The following CEP85L variants were observed in gnomAD, a reference collection of about 807,000 sequenced individuals.
The protein encoded by CEP85L is centrosomal protein of 85 kDa-like.
In CEP85L, 60 loss-of-function variants were observed where a neutral mutation model predicts 100.3. That is an observed-to-expected ratio of 0.60 (90% CI 0.49 to 0.74). The LOEUF (loss-of-function observed/expected upper bound fraction) is 0.74, where lower values mean the gene tolerates loss of function less well. Among genes scored for constraint, CEP85L ranks in the 30% least tolerant of loss-of-function variants. The pLI is 0.00. For synonymous variants in CEP85L, 319 were observed against 322.7 expected, an observed-to-expected ratio of 0.99 and a Z score of 0.12; for missense variants, 973 against 936.2, an observed-to-expected ratio of 1.04 and a Z score of -0.51.
chr6:118,528,215 C>CT (rs201109993), intron 3 of CEP85L, among the ~76,000 whole-genome samples: 23,929 of 142,974 alleles, frequency 0.17, 2,034 homozygotes, highest in Non-Finnish European at 0.2. Context: ...TTTTCTTTTT[C>CT]TTTTTTTTTT....
At chr6:118,492,346 C>T (rs1014910151) in intron 5 of CEP85L, among the ~76,000 whole-genome samples, 1 of 152,032 alleles carries the variant, frequency 6.6e-6, no homozygotes, top group Non-Finnish European at 1.5e-5. Context: ...GTTTCTCTAA[C>T]TAGAAAGTAA....
chr6:118,576,090 A>C (rs1430888851), intron 2 of CEP85L, among the ~76,000 whole-genome samples: 2 of 152,092 alleles, frequency 1.3e-5, no homozygotes, highest in African/African-American at 4.8e-5. Context: ...CTCATCAGGG[A>C]AAGTAGAAAA....
intron 3 of CEP85L, among the ~76,000 whole-genome samples, chr6:118,554,487 G>A (rs920657897): frequency 3.3e-5 from 5 of 152,056 alleles, no homozygotes; most frequent in African/African-American, 9.7e-5. Flanking sequence ...AATAGTTTTA[G>A]TCATAAAAAT....
At chr6:118,544,652 T>C (rs959283057) in intron 3 of CEP85L, among the ~76,000 whole-genome samples, 2 of 152,096 alleles carry the variant, frequency 1.3e-5, no homozygotes, top group Non-Finnish European at 2.9e-5. Context: ...CTCATCAAGA[T>C]GAGGAAAGAG....
intron 1 of CEP85L, among the ~76,000 whole-genome samples, chr6:118,683,889 A>G (rs1475608170): frequency 6.6e-6 from 1 of 152,188 alleles, no homozygotes; most frequent in Admixed American, 6.5e-5. Flanking sequence ...TTTTTCTGGT[A>G]GCCTAGATGC....
intron 4 of CEP85L, 92 bp downstream of exon 4, chr6:118,523,710 C>A (rs1776794045): frequency 3.4e-6 from 2 of 588,468 alleles, no homozygotes; most frequent in Admixed American, 3.0e-5. Context: ...GGTTCTAGAT[C>A]TTAAATTCTA....
intron 1 of CEP85L, among the ~76,000 whole-genome samples, chr6:118,669,147 G>A (rs930259956): frequency 1.3e-5 from 2 of 152,174 alleles, no homozygotes; most frequent in African/African-American, 4.8e-5. Flanking sequence ...CACAAAAAGG[G>A]CTGTAAGCAA....
intron 1 of CEP85L, among the ~76,000 whole-genome samples, chr6:118,691,931 T>A (rs1777059423): frequency 6.6e-6 from 1 of 152,130 alleles, no homozygotes; most frequent in South Asian, 2.1e-4. Flanking sequence ...GCCTAATACT[T>A]GCTATGTCTA....
At chr6:118,617,738 C>T (rs553760147) in intron 2 of CEP85L, among the ~76,000 whole-genome samples, 28 of 152,248 alleles carry the variant, frequency 1.8e-4, no homozygotes, top group Non-Finnish European at 1.3e-4. Flanking sequence ...CTGTCACTCG[C>T]CATGGTCAGC....
At chr6:118,579,977 A>C (rs1285947062) in intron 2 of CEP85L, among the ~76,000 whole-genome samples, 1 of 151,848 alleles carries the variant, frequency 6.6e-6, no homozygotes, top group Non-Finnish European at 1.5e-5. Context: ...GTAGAACATC[A>C]TGGTGCCCTG....
At chr6:118,478,277 A>C (rs1773534688) in intron 10 of CEP85L, among the ~76,000 whole-genome samples, 1 of 152,246 alleles carries the variant, frequency 6.6e-6, no homozygotes, top group South Asian at 2.1e-4. Flanking sequence ...AAAATGACCA[A>C]ATACAAACAA....
intron 3 of CEP85L, chr6:118,559,143 C>T: frequency 1.6e-6 from 2 of 1,224,034 alleles, no homozygotes; most frequent in Non-Finnish European, 2.4e-6. Flanking sequence ...TCATCCCATG[C>T]AGACAGGAAA....
intron 1 of CEP85L, among the ~76,000 whole-genome samples, chr6:118,698,964 C>T (rs900397890): frequency 1.3e-5 from 2 of 152,102 alleles, no homozygotes; most frequent in Admixed American, 6.5e-5. Context: ...CAGAATTCTG[C>T]CATTTACTGA....
intron 6 of CEP85L, among the ~76,000 whole-genome samples, chr6:118,489,989 ACACACACG>A (rs927294842): frequency 1.3e-5 from 2 of 151,212 alleles, no homozygotes; most frequent in African/African-American, 4.9e-5. Flanking sequence ...ATATATACAC[ACACACACG>A]CACACACACA....
intron 11 of CEP85L, 24 bp downstream of exon 11, chr6:118,470,513 C>A: frequency 7.1e-7 from 1 of 1,418,410 alleles, no homozygotes; most frequent in Non-Finnish European, 9.6e-7. Flanking sequence ...CCTTTCAAAG[C>A]AAAATTGAAT....
intron 5 of CEP85L, chr6:118,501,385 C>T: frequency 5.6e-6 from 2 of 360,032 alleles, no homozygotes; most frequent in Non-Finnish European, 1.1e-5. Flanking sequence ...GGCACAAGGC[C>T]CCTCTTGAGA....
chr6:118,554,063 G>T (rs1212598337), intron 3 of CEP85L, among the ~76,000 whole-genome samples: 12 of 152,000 alleles, frequency 7.9e-5, no homozygotes, highest in Admixed American at 7.9e-4. Flanking sequence ...GTAATCCCAG[G>T]AATTACCTGA....
chr6:118,633,638 T>G lies in CEP85L; in HGVS notation c.74-1027A>C, dbSNP rs150947614. 4.1e-4 allele frequency among the ~76,000 whole-genome samples: 62 copies of G among 152,346 alleles called. 2 individuals are homozygous for G. In the East Asian group the frequency reaches 7.9e-3, roughly 19 times the overall value. On this transcript the variant is annotated intron_variant, in intron 1 of 12. Transcript: ENST00000368491. ...TCTGTTTTACCCATCACTTATTTTATTGTCTAGTACAGTGCTACTCAAAGG... is the reference window on the plus strand; with the variant it reads ...TCTGTTTTACCCATCACTTATTTTAGTGTCTAGTACAGTGCTACTCAAAGG...
At chr6:118,506,023 A>G (rs1192667912) in intron 5 of CEP85L, among the ~76,000 whole-genome samples, 1 of 152,216 alleles carries the variant, frequency 6.6e-6, no homozygotes, top group Non-Finnish European at 1.5e-5. Context: ...CTTCCCATTC[A>G]ATTTTGTAGT....
Sources: allele counts gnomAD v4.1 joint callset (sites outside exome capture counted in the v4.1 genomes callset), GRCh38; gene constraint gnomAD v4.1.1; transcripts MANE v1.5; gene names NCBI Gene and HGNC (gene_info 2026-07-23, HGNC 2026-07-21).